ZBTB20: variants seen among roughly 807,000 people sequenced by gnomAD.
ZBTB20 encodes zinc finger and BTB domain containing 20.
Under a neutral mutation model 56.9 loss-of-function variants are expected in ZBTB20, and 9 were observed. The observed-to-expected ratio is 0.16, with a 90% confidence interval of 0.10 to 0.28. The LOEUF is 0.28. ZBTB20 is among the 10% of genes least tolerant of loss of function. ZBTB20 has a pLI of 1.00. For synonymous variants in ZBTB20, 417 were observed against 420.7 expected (o/e 0.99, Z 0.11); for missense variants, 655 against 1,003.0 (o/e 0.65, Z 4.69).
At chr3:114,773,703 A>T (rs1017701740) in intron 5 of ZBTB20, among the ~76,000 whole-genome samples, 2 of 152,218 alleles carry the variant, frequency 1.3e-5, no homozygotes, top group Non-Finnish European at 2.9e-5. Flanking sequence ...AAGTTTATAA[A>T]GGCATGAAGA....
chr3:114,929,633 C>T (rs889375255), intron 3 of ZBTB20, among the ~76,000 whole-genome samples: 1 of 152,200 alleles, frequency 6.6e-6, no homozygotes, highest in Non-Finnish European at 1.5e-5. Context: ...AAATTACATT[C>T]CAGTTCCTAC....
At chr3:114,669,608 T>C (rs1479946717) in intron 6 of ZBTB20, among the ~76,000 whole-genome samples, 3 of 151,140 alleles carry the variant, frequency 2.0e-5, no homozygotes, top group Admixed American at 6.6e-5. Flanking sequence ...AAATGGTTTA[T>C]AAAAGCAGTG....
At chr3:114,540,301 T>A (rs991719382) in intron 6 of ZBTB20, among the ~76,000 whole-genome samples, 3 of 152,126 alleles carry the variant, frequency 2.0e-5, no homozygotes, top group African/African-American at 7.2e-5. Flanking sequence ...AATCAACCCA[T>A]AATTTTTAAG....
intron 2 of ZBTB20, among the ~76,000 whole-genome samples, chr3:115,019,908 A>G (rs973676885): frequency 6.6e-6 from 1 of 151,294 alleles, no homozygotes; most frequent in Non-Finnish European, 1.5e-5. Context: ...AAAGTTAGAA[A>G]TAATTAGAGA....
intron 5 of ZBTB20, among the ~76,000 whole-genome samples, chr3:114,708,072 TG>T (rs1484840601): frequency 2.0e-5 from 3 of 152,216 alleles, no homozygotes; most frequent in Non-Finnish European, 4.4e-5. Flanking sequence ...TCTTTCTTTT[TG>T]TTATTTGTTT....
intron 4 of ZBTB20, among the ~76,000 whole-genome samples, chr3:114,865,463 C>G (rs1409530493): frequency 6.6e-6 from 1 of 152,048 alleles, no homozygotes; most frequent in Non-Finnish European, 1.5e-5. Context: ...ATTAAACGGG[C>G]AAGATAGAGT....
rs760141979 is a variant in ZBTB20 at position 114,505,186 on chromosome 3, T to C, written c.-294-4795A>G. Among the ~76,000 whole-genome samples the C allele has an allele frequency of 6.4e-4, 98 of 152,288 alleles. 1 individual carries two copies. The highest frequency in any genetic ancestry group is 1.7e-3 in the Admixed American group (26 of 15,282). On this transcript the variant is annotated intron_variant, in intron 6 of 11. Transcript: ENST00000675478. ...AAAAACAGAATCTGGGTCGTCAGAC[T>C]CTCATTCCTCTTGACTAACTCCAAG...
At chr3:114,897,437 T>C (rs1445975665) in intron 4 of ZBTB20, among the ~76,000 whole-genome samples, 1 of 152,048 alleles carries the variant, frequency 6.6e-6, no homozygotes, top group Non-Finnish European at 1.5e-5. Context: ...TCTTAATAAA[T>C]GTGGATTTTC....
chr3:114,351,440 C>G lies in ZBTB20; in HGVS notation c.638G>C (p.Arg213Pro). 1 of 1,613,346 alleles carries G rather than the reference C, an allele frequency of 6.2e-7. No homozygotes were observed. Among genetic ancestry groups the G allele is most frequent in the Non-Finnish European group, 8.5e-7 (1 of 1,179,982 alleles). Reference protein sequence around the residue: ...GIQDSGQDTPRGTPESGTSGQ... With the variant: ...GIQDSGQDTPPGTPESGTSGQ... ...TGACGTGCCTGACTCGGGAGTGCCC[C>G]GCGGCGTGTCCTGGCCCGAGTCCTG... Residue 213 changes from arginine to proline, a missense_variant, in exon 11 of 12, where the codon CGG becomes CCG. By Grantham distance (103) the Arg-to-Pro change is moderately radical. Transcript: ENST00000675478.
intron 3 of ZBTB20, among the ~76,000 whole-genome samples, chr3:114,943,638 A>G (rs2076792930): frequency 6.9e-6 from 1 of 145,490 alleles, no homozygotes; most frequent in Non-Finnish European, 1.5e-5. Flanking sequence ...GTGAACTTGA[A>G]AATAGGTTAA....
At chr3:114,570,290 T>A (rs1002949624) in intron 6 of ZBTB20, among the ~76,000 whole-genome samples, 21 of 151,894 alleles carry the variant, frequency 1.4e-4, no homozygotes, top group Non-Finnish European at 2.6e-4. Flanking sequence ...CCTCCAAATT[T>A]TATTTCCTGA....
At chr3:114,856,448 T>G (rs1464213661) in intron 4 of ZBTB20, among the ~76,000 whole-genome samples, 2 of 152,172 alleles carry the variant, frequency 1.3e-5, no homozygotes, top group African/African-American at 2.4e-5. Flanking sequence ...TGTGAGCTCT[T>G]GTTTAGGGGT....
chr3:114,613,311 T>C (rs1036780264), intron 6 of ZBTB20, among the ~76,000 whole-genome samples: 14 of 152,206 alleles, frequency 9.2e-5, no homozygotes, highest in African/African-American at 3.1e-4. Context: ...GAGGTCAGCA[T>C]TTAGCACATC....
intron 6 of ZBTB20, among the ~76,000 whole-genome samples, chr3:114,514,058 T>C (rs1279012816): frequency 6.6e-6 from 1 of 152,182 alleles, no homozygotes; most frequent in African/African-American, 2.4e-5. Context: ...ACTGGGACTT[T>C]TGAGATTTAA....
intron 5 of ZBTB20, among the ~76,000 whole-genome samples, chr3:114,721,924 G>T (rs529664500): frequency 5.0e-4 from 76 of 152,162 alleles, no homozygotes; most frequent in African/African-American, 1.8e-3. Flanking sequence ...TTGCTTTTTG[G>T]ACTTAAAGTA....
intron 7 of ZBTB20, among the ~76,000 whole-genome samples, chr3:114,407,636 T>C (rs1205886372): frequency 6.6e-6 from 1 of 152,186 alleles, no homozygotes; most frequent in African/African-American, 2.4e-5. Flanking sequence ...TTCCCTGGAC[T>C]GCTAATGGGA....
chr3:114,969,787 A>G (rs189978696), intron 3 of ZBTB20, among the ~76,000 whole-genome samples: 84 of 152,296 alleles, frequency 5.5e-4, no homozygotes, highest in Admixed American at 2.4e-3. Flanking sequence ...GAAAAGTAGG[A>G]TTCTCTGAAC....
At chr3:114,643,363 A>T (rs1352016709) in intron 6 of ZBTB20, among the ~76,000 whole-genome samples, 1 of 152,058 alleles carries the variant, frequency 6.6e-6, no homozygotes, top group African/African-American at 2.4e-5. Flanking sequence ...AATGAGTTCT[A>T]ATAAGGAACA....
chr3:115,138,736 G>C (rs1479681071), intron 1 of ZBTB20, among the ~76,000 whole-genome samples: 1 of 152,068 alleles, frequency 6.6e-6, no homozygotes, highest in Middle Eastern at 3.2e-3. Flanking sequence ...AAAAAATGCA[G>C]ATATAACCAA....
Sources: allele counts gnomAD v4.1 joint callset (sites outside exome capture counted in the v4.1 genomes callset), GRCh38; gene constraint gnomAD v4.1.1; transcripts MANE v1.5; gene names NCBI Gene and HGNC (gene_info 2026-07-23, HGNC 2026-07-21).